The following ACBD6 variants were observed in gnomAD, a reference collection of about 807,000 sequenced individuals.
ACBD6 encodes acyl-CoA-binding domain-containing protein 6.
ACBD6 carries 28 observed loss-of-function variants against 37.2 expected under a neutral mutation model. That is an observed-to-expected ratio of 0.75 (90% confidence interval 0.56 to 1.03). The LOEUF (loss-of-function observed/expected upper bound fraction) is 1.03, where lower values mean the gene tolerates loss of function less well. Ranked by LOEUF, ACBD6 falls within the 50% of genes least tolerant of loss-of-function variation. ACBD6 has a pLI of 0.00. For missense variants in ACBD6, 340 were observed against 337.4 expected (o/e 1.01, Z -0.06); for synonymous variants, 113 against 126.8 (o/e 0.89, Z 0.73).
intron 6 of ACBD6, among the ~76,000 whole-genome samples, chr1:180,354,409 C>A (rs1652542737): frequency 6.6e-6 from 1 of 152,026 alleles, no homozygotes; most frequent in Non-Finnish European, 1.5e-5. Flanking sequence ...GCTTTCATCC[C>A]CCTTTATGGT....
intron 6 of ACBD6, among the ~76,000 whole-genome samples, chr1:180,389,589 A>T (rs1203228689): frequency 2.0e-5 from 3 of 152,234 alleles, no homozygotes; most frequent in Admixed American, 2.0e-4. Flanking sequence ...TGACTTCCAC[A>T]ATGGTTGAAC....
intron 3 of ACBD6, chr1:180,434,684 G>C (rs373424685): frequency 2.4e-6 from 1 of 415,916 alleles, no homozygotes; most frequent in East Asian, 5.1e-5. Context: ...TCACTGCTTC[G>C]AGTTGTCCTG....
intron 6 of ACBD6, among the ~76,000 whole-genome samples, chr1:180,357,895 C>G (rs566489611): frequency 5.3e-5 from 8 of 152,186 alleles, no homozygotes; most frequent in African/African-American, 1.2e-4. Context: ...ATTCTTTGGT[C>G]GTTCATATTG....
intron 6 of ACBD6, among the ~76,000 whole-genome samples, chr1:180,381,724 T>A (rs1653657009): frequency 6.6e-6 from 1 of 152,158 alleles, no homozygotes; most frequent in Non-Finnish European, 1.5e-5. Flanking sequence ...AAAACAGTGT[T>A]AAGAAGGAAG....
intron 6 of ACBD6, among the ~76,000 whole-genome samples, chr1:180,381,825 C>T (rs1653663363): frequency 6.6e-6 from 1 of 151,984 alleles, no homozygotes; most frequent in Non-Finnish European, 1.5e-5. Flanking sequence ...AAAACAAGAA[C>T]ACCCAGGTGC....
At chr1:180,413,301 G>A in intron 5 of ACBD6, 65 bp downstream of exon 5, 1 of 1,258,730 alleles carries the variant, frequency 7.9e-7, no homozygotes, top group East Asian at 2.3e-5. Context: ...CTACCATTTA[G>A]GAAAAGGCAC....
At chr1:180,447,865 A>G (rs1348908818) in intron 3 of ACBD6, among the ~76,000 whole-genome samples, 2 of 152,152 alleles carry the variant, frequency 1.3e-5, no homozygotes, top group African/African-American at 2.4e-5. Context: ...CAAATGGTTA[A>G]TATTTCTATA....
At chr1:180,355,912 G>A (rs1335549080) in intron 6 of ACBD6, among the ~76,000 whole-genome samples, 6 of 151,926 alleles carry the variant, frequency 3.9e-5, no homozygotes, top group Non-Finnish European at 7.4e-5. Flanking sequence ...CTGTTGCCCA[G>A]GCTGGTGTGC....
chr1:180,383,746 C>T (rs1029644646), intron 6 of ACBD6, among the ~76,000 whole-genome samples: 4 of 152,112 alleles, frequency 2.6e-5, no homozygotes, highest in Admixed American at 6.6e-5. Flanking sequence ...AAGCTGGAGG[C>T]ATCACACTGT....
At chr1:180,308,283 C>T (rs1650462242) in intron 7 of ACBD6, among the ~76,000 whole-genome samples, 1 of 152,008 alleles carries the variant, frequency 6.6e-6, no homozygotes, top group Admixed American at 6.6e-5. Context: ...ACTGAAGTTC[C>T]TCAAAGTCTA....
chr1:180,342,683 G>T (rs72714809), intron 6 of ACBD6, among the ~76,000 whole-genome samples: 7,653 of 151,936 alleles, frequency 0.05, 247 homozygotes, highest in South Asian at 0.09. Context: ...AGTCTTCTTT[G>T]TGTGTTAAAA....
chr1:180,348,423 G>A (rs143926661), intron 6 of ACBD6, among the ~76,000 whole-genome samples: 3 of 152,214 alleles, frequency 2.0e-5, no homozygotes, highest in Non-Finnish European at 4.4e-5. Flanking sequence ...TAGAAGGCAT[G>A]TTGAGGCAGG....
At chr1:180,489,476 T>C (rs1261238660) in intron 3 of ACBD6, among the ~76,000 whole-genome samples, 1 of 151,286 alleles carries the variant, frequency 6.6e-6, no homozygotes, top group East Asian at 1.9e-4. Flanking sequence ...TTATATATTC[T>C]TTTAATGTTA....
chr1:180,341,623 G>T (rs1365049132), intron 6 of ACBD6, among the ~76,000 whole-genome samples: 1 of 151,988 alleles, frequency 6.6e-6, no homozygotes, highest in Non-Finnish European at 1.5e-5. Flanking sequence ...TGAAAGCGTT[G>T]TCTATACTCT....
intron 4 of ACBD6, among the ~76,000 whole-genome samples, chr1:180,424,552 A>G (rs1307948367): frequency 6.6e-6 from 1 of 152,176 alleles, no homozygotes; most frequent in Non-Finnish European, 1.5e-5. Flanking sequence ...ATTATTTGTA[A>G]TGCATATTCT....
intron 6 of ACBD6, among the ~76,000 whole-genome samples, chr1:180,374,278 T>C (rs1653357699): frequency 6.6e-6 from 1 of 152,198 alleles, no homozygotes; most frequent in Non-Finnish European, 1.5e-5. Flanking sequence ...TACACTCACA[T>C]GCACACTCGC....
intron 4 of ACBD6, among the ~76,000 whole-genome samples, chr1:180,414,673 T>C (rs1470471815): frequency 2.0e-5 from 3 of 152,082 alleles, no homozygotes; most frequent in African/African-American, 7.2e-5. Flanking sequence ...AGGATTAACA[T>C]AAGGTAAAAG....
intron 6 of ACBD6, among the ~76,000 whole-genome samples, chr1:180,384,758 A>G (rs1208320932): frequency 6.6e-6 from 1 of 152,248 alleles, no homozygotes; most frequent in African/African-American, 2.4e-5. Flanking sequence ...TGAAGTGTCC[A>G]TCTACAGATG....
intron 6 of ACBD6, among the ~76,000 whole-genome samples, chr1:180,356,918 CT>C (rs1221215888): frequency 2.0e-5 from 3 of 151,424 alleles, no homozygotes; most frequent in Non-Finnish European, 2.9e-5. Context: ...AATCTAATTC[CT>C]TATGGTTACA....
Sources: gnomAD v4.1 joint callset for allele counts (sites outside exome capture counted in the v4.1 genomes callset) on GRCh38, gnomAD v4.1.1 for gene constraint, MANE v1.5 for transcripts, NCBI Gene and HGNC (gene_info 2026-07-23, HGNC 2026-07-21) for gene names.